Variants in ANKRD12 observed in about 807,000 individuals in gnomAD.
ANKRD12 encodes ankyrin repeat domain-containing protein 12.
ANKRD12 carries 85 observed loss-of-function variants against 183.4 expected under a neutral mutation model. That is an observed-to-expected ratio of 0.46 (90% CI 0.39 to 0.56). The LOEUF (loss-of-function observed/expected upper bound fraction) is 0.56. Ranked by LOEUF, ANKRD12 falls within the 20% of genes least tolerant of loss-of-function variation. The probability of loss-of-function intolerance (pLI) is 0.00; values close to 1 mark genes in which losing one functional copy is unlikely to be tolerated. For synonymous variants in ANKRD12, 914 were observed against 800.2 expected (o/e 1.14, Z -2.40); for missense variants, 2,405 against 2,357.1 (o/e 1.02, Z -0.42).
At chr18:9,194,259 T>TAGTA (rs2144382480) in intron 2 of ANKRD12, among the ~76,000 whole-genome samples, 1 of 152,290 alleles carries the variant, frequency 6.6e-6, no homozygotes, top group Admixed American at 6.5e-5. Flanking sequence ...TTTGCATTTC[T>TAGTA]AGTAAGTTTC....
rs35586900 is a variant in ANKRD12, at chr18:9,228,911, C to CTT, written c.943+6923_943+6924dup. Among the ~76,000 whole-genome samples, 260 of 148,204 alleles carry CTT rather than the reference C, an allele frequency of 1.8e-3. 1 individual carries two copies. The highest frequency in any genetic ancestry group is 5.2e-4 in the Non-Finnish European group (35 of 66,922). On this transcript the variant is annotated intron_variant, in intron 8 of 12. Coordinates refer to ENST00000262126, the MANE Select transcript of ANKRD12 (RefSeq NM_015208.5). ...AATGTCCTAAAGAGTTTTCCATGTGCTTTTTTTTTTTTACTAGTTTTATAA... is the reference window on the plus strand; with the variant it reads ...AATGTCCTAAAGAGTTTTCCATGTGCTTTTTTTTTTTTTTACTAGTTTTATAA...
intron 11 of ANKRD12, among the ~76,000 whole-genome samples, chr18:9,278,072 G>T (rs181550422): frequency 6.6e-6 from 1 of 152,214 alleles, no homozygotes; most frequent in Non-Finnish European, 1.5e-5. Flanking sequence ...CACATTACCT[G>T]TCTGACATGG....
intron 10 of ANKRD12, among the ~76,000 whole-genome samples, chr18:9,272,644 G>A (rs59616258): frequency 0.074 from 11,232 of 152,050 alleles, 427 homozygotes; most frequent in African/African-American, 0.083. Context: ...TTTAATCTCT[G>A]CAGGACTACA....
At chr18:9,244,819 C>T (rs1474169189) in intron 8 of ANKRD12, among the ~76,000 whole-genome samples, 2 of 152,052 alleles carry the variant, frequency 1.3e-5, no homozygotes, top group Non-Finnish European at 2.9e-5. Flanking sequence ...AGAGGACAAG[C>T]CTAAGGTTTC....
rs559220090 is a variant in ANKRD12 at position 9,241,148 on chromosome 18, G to C, written c.944-13063G>C. ...AAGCATTAGCTTAGGAAGTTTTAAA[G>C]TAAATTTTTTTAACCTAGAAGCATA... On this transcript the variant is annotated intron_variant, in intron 8 of 12. Coordinates refer to ENST00000262126, the MANE Select transcript of ANKRD12 (RefSeq NM_015208.5). Among the ~76,000 whole-genome samples, 15 of 152,184 alleles carry C rather than the reference G, an allele frequency of 9.9e-5. No individual in the cohort carries two copies. In the South Asian group the frequency reaches 1.4e-3, roughly 15 times the overall value.
chr18:9,225,542 A>T (rs1430656270), intron 8 of ANKRD12, among the ~76,000 whole-genome samples: 2 of 152,100 alleles, frequency 1.3e-5, no homozygotes, highest in Non-Finnish European at 2.9e-5. Context: ...AGAAATACTA[A>T]TTTTTCCCCC....
At chr18:9,153,660 T>C (rs551631720) in intron 1 of ANKRD12, among the ~76,000 whole-genome samples, 1 of 152,334 alleles carries the variant, frequency 6.6e-6, no homozygotes, top group African/African-American at 2.4e-5. Flanking sequence ...TTCTTCTCTT[T>C]ATGGAAAAAT....
Position 9,209,841 on chromosome 18 carries a change from C to T in ANKRD12, c.451+1038C>T, listed in dbSNP as rs115254461. 1.4e-3 allele frequency among the ~76,000 whole-genome samples: 216 copies of T among 152,156 alleles called. 1 individual carries two copies. Among genetic ancestry groups the T allele is most frequent in the African/African-American group, 5.1e-3 (210 of 41,528 alleles). On this transcript the variant is annotated intron_variant, in intron 5 of 12. Transcript: ENST00000262126. ...ACTGATTTTTTAAAATAGCGTGAACCTTTGTCCTTAAAGTAAATTAAAAGA... is the reference window on the plus strand; with the variant it reads ...ACTGATTTTTTAAAATAGCGTGAACTTTTGTCCTTAAAGTAAATTAAAAGA...
rs756219380 is a variant in ANKRD12 at position 9,255,450 on chromosome 18, A to G, written c.2183A>G (p.Lys728Arg). The G allele has an allele frequency of 2.8e-5, 44 of 1,573,686 alleles. No individual in the cohort carries two copies. The highest frequency in any genetic ancestry group is 3.8e-5 in the Non-Finnish European group (44 of 1,168,356). ...TTAGAAAAAAAATCAAAATTGGAAA[A>G]AAACATCAAAGATGATAAATCAACC... Reference protein sequence around the residue: ...LTLEKKSKLEKNIKDDKSTKE... With the variant: ...LTLEKKSKLERNIKDDKSTKE... The change falls in exon 9 of 13, where the codon AAA (lysine) becomes AGA (arginine). Residue 728 changes from lysine (K) to arginine (R), a missense_variant. Transcript: ENST00000262126.
At chr18:9,141,038 AGT>A (rs1389827272) in intron 1 of ANKRD12, among the ~76,000 whole-genome samples, 1 of 151,916 alleles carries the variant, frequency 6.6e-6, no homozygotes, top group East Asian at 1.9e-4. Flanking sequence ...TCTAATTAAG[AGT>A]GTTGGTTTTC....
At chr18:9,204,137 G>A (rs1022809740) in intron 3 of ANKRD12, among the ~76,000 whole-genome samples, 3 of 152,120 alleles carry the variant, frequency 2.0e-5, no homozygotes, top group Admixed American at 6.5e-5. Flanking sequence ...GAAAACCAGC[G>A]ATAGAGTACT....
intron 1 of ANKRD12, among the ~76,000 whole-genome samples, chr18:9,177,341 T>C (rs557637760): frequency 4.4e-4 from 67 of 152,340 alleles, no homozygotes; most frequent in Non-Finnish European, 8.2e-4. Context: ...TCCAGCCACA[T>C]ATGAGAGTTC....
chr18:9,168,904 A>G (rs2032379709), intron 1 of ANKRD12, among the ~76,000 whole-genome samples: 1 of 151,942 alleles, frequency 6.6e-6, no homozygotes, highest in Admixed American at 6.5e-5. Flanking sequence ...TGTCCCAGAG[A>G]TTCTGGTATG....
intron 3 of ANKRD12, among the ~76,000 whole-genome samples, chr18:9,203,525 AT>A (rs2035298738): frequency 6.6e-6 from 1 of 152,252 alleles, no homozygotes; most frequent in African/African-American, 2.4e-5. Flanking sequence ...GCCAAAGTCA[AT>A]TGTCCATATT....
At chr18:9,241,678 C>G (rs1477707621) in intron 8 of ANKRD12, among the ~76,000 whole-genome samples, 3 of 152,160 alleles carry the variant, frequency 2.0e-5, no homozygotes, top group Admixed American at 2.0e-4. Flanking sequence ...ATGAACACTT[C>G]AAGTGTTTTG....
chr18:9,219,149 T>A (rs549833767), intron 7 of ANKRD12, among the ~76,000 whole-genome samples: 1 of 152,220 alleles, frequency 6.6e-6, no homozygotes, highest in African/African-American at 2.4e-5. Flanking sequence ...GTTTGTAATA[T>A]GTGAATGAAC....
At chr18:9,222,546 T>C (rs916297615) in intron 8 of ANKRD12, among the ~76,000 whole-genome samples, 2 of 152,216 alleles carry the variant, frequency 1.3e-5, no homozygotes, top group Admixed American at 6.5e-5. Flanking sequence ...GTCGTCTTTA[T>C]ATAAAAGGGG....
chr18:9,155,169 G>T (rs745365397), intron 1 of ANKRD12, among the ~76,000 whole-genome samples: 1 of 152,186 alleles, frequency 6.6e-6, no homozygotes, highest in African/African-American at 2.4e-5. Context: ...AGTGGGGAGG[G>T]TTAATGGGTA....
intron 8 of ANKRD12, among the ~76,000 whole-genome samples, chr18:9,245,978 ACT>A (rs965141383): frequency 2.0e-5 from 3 of 152,074 alleles, no homozygotes; most frequent in African/African-American, 7.2e-5. Context: ...TGAAGATGTA[ACT>A]CTGCCACTTA....
Sources: allele counts gnomAD v4.1 joint callset (sites outside exome capture counted in the v4.1 genomes callset), GRCh38; gene constraint gnomAD v4.1.1; transcripts MANE v1.5; gene names NCBI Gene and HGNC (gene_info 2026-07-23, HGNC 2026-07-21).